DSCAM: variants seen among roughly 807,000 people sequenced by gnomAD.
DSCAM encodes the protein cell adhesion molecule DSCAM.
DSCAM carries 47 observed loss-of-function variants against 217.7 expected under a neutral mutation model. The ratio of observed to expected loss-of-function variants is 0.22; its 90% CI spans 0.17 to 0.28. The LOEUF (loss-of-function observed/expected upper bound fraction) is 0.28. Among genes scored for constraint, DSCAM ranks in the 10% least tolerant of loss-of-function variants. DSCAM has a pLI of 1.00. For synonymous variants in DSCAM, 1,056 were observed against 1,015.3 expected (o/e 1.04, Z -0.76); for missense variants, 2,080 against 2,618.3 (o/e 0.79, Z 4.49).
intron 3 of DSCAM, among the ~76,000 whole-genome samples, chr21:40,657,316 C>T (rs1238192730): frequency 6.6e-6 from 1 of 152,140 alleles, no homozygotes; most frequent in Non-Finnish European, 1.5e-5. Flanking sequence ...TGAGCTGACA[C>T]AAGGAATATA....
chr21:40,537,959 T>G (rs1022016049), intron 3 of DSCAM, among the ~76,000 whole-genome samples: 2 of 152,152 alleles, frequency 1.3e-5, no homozygotes, highest in African/African-American at 4.8e-5. Flanking sequence ...GGCCCTGAAG[T>G]GGGACCCAGG....
At chr21:40,256,863 A>G (rs2073379320) in intron 11 of DSCAM, among the ~76,000 whole-genome samples, 1 of 152,204 alleles carries the variant, frequency 6.6e-6, no homozygotes, top group Admixed American at 6.5e-5. Flanking sequence ...ACGTCTGCTT[A>G]CACCATACTT....
chr21:40,785,700 T>G (rs150993875), intron 1 of DSCAM, among the ~76,000 whole-genome samples: 104 of 152,314 alleles, frequency 6.8e-4, no homozygotes, highest in African/African-American at 2.3e-3. Flanking sequence ...TATTCATTCA[T>G]TCAGTCATTT....
intron 3 of DSCAM, among the ~76,000 whole-genome samples, chr21:40,457,384 T>G (rs1358028203): frequency 6.6e-6 from 1 of 151,916 alleles, no homozygotes; most frequent in Non-Finnish European, 1.5e-5. Context: ...TGGTGGCACA[T>G]GCCTGTGGTC....
intron 16 of DSCAM, 97 bp downstream of exon 16, chr21:40,167,121 G>T: frequency 9.2e-7 from 1 of 1,086,104 alleles, no homozygotes; most frequent in Non-Finnish European, 1.3e-6. Flanking sequence ...TAAAAGTTTT[G>T]TAAAATTCGA....
At chr21:40,528,521 T>C (rs2837676) in intron 3 of DSCAM, among the ~76,000 whole-genome samples, 26,270 of 152,222 alleles carry the variant, frequency 0.17, 2,521 homozygotes, top group South Asian at 0.28. Context: ...ATACTGGATA[T>C]TGCTCTTCCT....
At position 40,360,130 on chromosome 21, in the gene DSCAM, T is replaced by G. The variant is rs1056597159; in HGVS notation, c.656-6387A>C. Among the ~76,000 whole-genome samples, 126 of 133,346 alleles carry G rather than the reference T, an allele frequency of 9.4e-4. 4 individuals carry two copies. Among genetic ancestry groups the G allele is most frequent in the Middle Eastern group, 3.5e-3 (1 of 282 alleles). The allele number at this position is 133,346 out of a possible 152,430, so 87.5% of individuals were successfully genotyped here. A position where few individuals can be genotyped will look rare whatever the true frequency, so the allele number is the denominator to read the frequency against. The stretch of plus-strand genomic sequence containing the variant: ...TGGTACTTCATAGGTAGTCTTTTTT[T>G]TTTTTTTTTTTTTTTTTTTGAGACA... On this transcript the variant is annotated intron_variant, in intron 4 of 32. Transcript: ENST00000400454.
At chr21:40,146,284 A>C (rs2090356500) in intron 16 of DSCAM, among the ~76,000 whole-genome samples, 1 of 151,870 alleles carries the variant, frequency 6.6e-6, no homozygotes, top group Admixed American at 6.6e-5. Context: ...GTGGCGGGGC[A>C]CGGCTCAGAG....
chr21:40,641,563 A>C (rs974067758), intron 3 of DSCAM, among the ~76,000 whole-genome samples: 4 of 152,200 alleles, frequency 2.6e-5, no homozygotes, highest in Non-Finnish European at 4.4e-5. Context: ...CTTTCAAAAG[A>C]AGCTTTCTTT....
chr21:40,809,358 G>A (rs772939766), intron 1 of DSCAM, among the ~76,000 whole-genome samples: 1 of 152,188 alleles, frequency 6.6e-6, no homozygotes, highest in African/African-American at 2.4e-5. Context: ...GACTGGGGGT[G>A]GGACTTCAAA....
intron 3 of DSCAM, among the ~76,000 whole-genome samples, chr21:40,545,397 T>C (rs749996894): frequency 1.3e-5 from 2 of 152,220 alleles, no homozygotes; most frequent in Non-Finnish European, 2.9e-5. Flanking sequence ...CCACTGGGGA[T>C]AGGCAGCCCT....
At chr21:40,567,624 C>CTACT (rs2076774832) in intron 3 of DSCAM, among the ~76,000 whole-genome samples, 1 of 152,232 alleles carries the variant, frequency 6.6e-6, no homozygotes, top group African/African-American at 2.4e-5. Context: ...CTCATTCCCC[C>CTACT]TACTTATCAC....
At chr21:40,080,111 A>T in intron 25 of DSCAM, 41 bp downstream of exon 25, 1 of 1,429,660 alleles carries the variant, frequency 7.0e-7, no homozygotes, top group South Asian at 1.2e-5. Context: ...TCTGGCCGGG[A>T]AAAGAAAGGA....
At chr21:40,722,989 A>C (rs1490309024) in intron 1 of DSCAM, among the ~76,000 whole-genome samples, 1 of 152,128 alleles carries the variant, frequency 6.6e-6, no homozygotes, top group Non-Finnish European at 1.5e-5. Flanking sequence ...ATGTCTATGT[A>C]CCTAATAAAA....
At chr21:40,789,314 C>A (rs1391863808) in intron 1 of DSCAM, among the ~76,000 whole-genome samples, 2 of 151,666 alleles carry the variant, frequency 1.3e-5, no homozygotes, top group African/African-American at 2.4e-5. Context: ...AAATTTTAAT[C>A]TTTTGGCTCC....
chr21:40,638,067 G>A (rs1252979730), intron 3 of DSCAM, among the ~76,000 whole-genome samples: 1 of 152,116 alleles, frequency 6.6e-6, no homozygotes, highest in Non-Finnish European at 1.5e-5. Context: ...ATAGTTCTAT[G>A]AGAACATCAT....
At chr21:40,571,464 G>A (rs2076806028) in intron 3 of DSCAM, among the ~76,000 whole-genome samples, 1 of 152,096 alleles carries the variant, frequency 6.6e-6, no homozygotes, top group Admixed American at 6.6e-5. Context: ...TGAAAGCTAA[G>A]TAAAGACATT....
intron 9 of DSCAM, 58 bp from the exon 10 acceptor site, chr21:40,296,232 A>C: frequency 6.3e-6 from 10 of 1,576,432 alleles, no homozygotes; most frequent in Non-Finnish European, 8.7e-6. Context: ...GAGTAAAGGT[A>C]TGATTCTAAG....
intron 3 of DSCAM, among the ~76,000 whole-genome samples, chr21:40,557,873 T>C (rs1292384260): frequency 1.3e-5 from 2 of 152,174 alleles, no homozygotes; most frequent in African/African-American, 4.8e-5. Flanking sequence ...CGCACTGATA[T>C]CTCACTAGAC....
Sources: allele counts gnomAD v4.1 joint callset (sites outside exome capture counted in the v4.1 genomes callset), GRCh38; gene constraint gnomAD v4.1.1; transcripts MANE v1.5; gene names NCBI Gene and HGNC (gene_info 2026-07-23, HGNC 2026-07-21).